The following GPR19 variants were observed in gnomAD, a reference collection of about 807,000 sequenced individuals.
GPR19 encodes probable G protein-coupled receptor 19.
A neutral mutation model predicts 28.5 loss-of-function variants in GPR19; 14 were observed. That is an observed-to-expected ratio of 0.49 (90% CI 0.32 to 0.77). The LOEUF (loss-of-function observed/expected upper bound fraction) is 0.77. Ranked by LOEUF, GPR19 falls within the 30% of genes least tolerant of loss-of-function variation. The probability of loss-of-function intolerance (pLI) is 0.03; values close to 1 mark genes in which losing one functional copy is unlikely to be tolerated. For synonymous variants in GPR19, 173 were observed against 184.1 expected (o/e 0.94, Z 0.49); for missense variants, 409 against 504.1 (o/e 0.81, Z 1.81).
chr12:12,671,690 G>C (rs1566143773), intron 3 of GPR19, among the ~76,000 whole-genome samples: 1 of 151,988 alleles, frequency 6.6e-6, no homozygotes, highest in South Asian at 2.1e-4. Context: ...AACATTCCTG[G>C]CTCAGAAATT....
At chr12:12,666,034 T>G (rs1157420286) in intron 3 of GPR19, among the ~76,000 whole-genome samples, 1 of 151,872 alleles carries the variant, frequency 6.6e-6, no homozygotes, top group Non-Finnish European at 1.5e-5. Flanking sequence ...GCTGGGAGCT[T>G]AGAGGATGAA....
At chr12:12,676,621 G>A (rs1945935125) in intron 3 of GPR19, among the ~76,000 whole-genome samples, 1 of 152,184 alleles carries the variant, frequency 6.6e-6, no homozygotes, top group Non-Finnish European at 1.5e-5. Flanking sequence ...AAGATTCCTT[G>A]CAAGAAGTGG....
chr12:12,710,825 G>T, the GPR19 span, among the ~76,000 whole-genome samples: 3 of 152,154 alleles, frequency 2.0e-5, no homozygotes, highest in Admixed American at 1.3e-4. Flanking sequence ...ACAAACATGA[G>T]CCACTGTGCC....
At chr12:12,666,406 C>G (rs1945779573) in intron 3 of GPR19, among the ~76,000 whole-genome samples, 1 of 152,130 alleles carries the variant, frequency 6.6e-6, no homozygotes, top group Admixed American at 6.6e-5. Context: ...TTTTCTCTAG[C>G]TTAGCAATAC....
At chr12:12,682,327 C>T (rs917604090) in intron 3 of GPR19, among the ~76,000 whole-genome samples, 5 of 152,188 alleles carry the variant, frequency 3.3e-5, no homozygotes, top group Admixed American at 3.3e-4. Flanking sequence ...AAACTTCAGG[C>T]ATAATTTTGA....
At chr12:12,693,312 C>G (rs1422258345) in intron 2 of GPR19, among the ~76,000 whole-genome samples, 1 of 152,200 alleles carries the variant, frequency 6.6e-6, no homozygotes, top group Non-Finnish European at 1.5e-5. Context: ...CACATGCATT[C>G]CCATGTACAG....
intron 3 of GPR19, among the ~76,000 whole-genome samples, chr12:12,680,242 G>A (rs1378811410): frequency 1.3e-5 from 2 of 152,170 alleles, no homozygotes; most frequent in African/African-American, 4.8e-5. Context: ...AAAAGACCTG[G>A]ATTCAGATCC....
chr12:12,674,202 T>C (rs1389853882), intron 3 of GPR19, among the ~76,000 whole-genome samples: 1 of 111,202 alleles, frequency 9.0e-6, no homozygotes, highest in Non-Finnish European at 1.8e-5. Flanking sequence ...ACAGCCAGAC[T>C]TTGTCTCAAA....
At chr12:12,714,765 A>T in the GPR19 span, among the ~76,000 whole-genome samples, 1 of 152,182 alleles carries the variant, frequency 6.6e-6, no homozygotes, top group Non-Finnish European at 1.5e-5. Context: ...CTGTTCCTTC[A>T]GGGACTCCAT....
the GPR19 span, among the ~76,000 whole-genome samples, chr12:12,714,372 G>C: frequency 5.3e-5 from 8 of 152,320 alleles, no homozygotes; most frequent in East Asian, 5.8e-4. Flanking sequence ...ACTTGGGTGA[G>C]AGCGCTGCAT....
upstream of GPR19, among the ~76,000 whole-genome samples, chr12:12,699,880 T>G (rs1345234057): frequency 6.6e-6 from 1 of 152,192 alleles, no homozygotes; most frequent in Non-Finnish European, 1.5e-5. Flanking sequence ...GAGTCTATTA[T>G]CATAGTCACA....
chr12:12,711,556 C>A, the GPR19 span, among the ~76,000 whole-genome samples: 28 of 152,220 alleles, frequency 1.8e-4, no homozygotes, highest in African/African-American at 6.7e-4. Context: ...TAAAGCCACA[C>A]CTAATTGCAA....
At chr12:12,704,502 A>C in the GPR19 span, among the ~76,000 whole-genome samples, 2 of 152,210 alleles carry the variant, frequency 1.3e-5, no homozygotes, top group Non-Finnish European at 2.9e-5. Flanking sequence ...ACTCTGTCTC[A>C]GAAAAATAAA....
the GPR19 span, among the ~76,000 whole-genome samples, chr12:12,706,508 G>A: frequency 7.9e-5 from 12 of 152,226 alleles, no homozygotes; most frequent in African/African-American, 2.6e-4. Context: ...ATTTCCAAAT[G>A]TGTATCTCCA....
chr12:12,683,398 T>G (rs1290424055), intron 3 of GPR19, among the ~76,000 whole-genome samples: 2 of 152,178 alleles, frequency 1.3e-5, no homozygotes. Flanking sequence ...TTTGAAATAA[T>G]ATGAGCAGGC....
intron 3 of GPR19, among the ~76,000 whole-genome samples, chr12:12,668,800 A>C (rs74061740): frequency 4.6e-5 from 7 of 152,206 alleles, no homozygotes; most frequent in African/African-American, 1.7e-4. Context: ...TATAGCATTA[A>C]TACTACCAAG....
chr12:12,675,757 C>T (rs749641775), intron 3 of GPR19, among the ~76,000 whole-genome samples: 1 of 152,108 alleles, frequency 6.6e-6, no homozygotes, highest in Non-Finnish European at 1.5e-5. Context: ...GAAATAGGAT[C>T]TTAGTCTTAC....
intron 1 of GPR19, 78 bp from the exon 2 acceptor site, chr12:12,695,589 GTTC>G (rs1426393044): frequency 6.6e-6 from 1 of 152,188 alleles, no homozygotes; most frequent in Non-Finnish European, 1.5e-5. Flanking sequence ...TACCGCGACT[GTTC>G]TTCGCAATTC....
At chr12:12,712,644 T>C in the GPR19 span, among the ~76,000 whole-genome samples, 1 of 152,184 alleles carries the variant, frequency 6.6e-6, no homozygotes, top group African/African-American at 2.4e-5. Context: ...CTTCATAGCA[T>C]CATGTTTTTC....
Sources: allele counts gnomAD v4.1 joint callset (sites outside exome capture counted in the v4.1 genomes callset), GRCh38; gene constraint gnomAD v4.1.1; transcripts MANE v1.5; gene names NCBI Gene and HGNC (gene_info 2026-07-23, HGNC 2026-07-21).